The following ELFN2 variants were observed in gnomAD, a reference collection of about 807,000 sequenced individuals.
ELFN2 encodes protein phosphatase 1 regulatory subunit 29.
A neutral mutation model predicts 45.5 loss-of-function variants in ELFN2; 17 were observed. That is an observed-to-expected ratio of 0.37 (90% confidence interval 0.26 to 0.56). The LOEUF (loss-of-function observed/expected upper bound fraction) is 0.56. ELFN2 is among the 20% of genes least tolerant of loss of function. ELFN2 has a pLI of 0.77. For missense variants in ELFN2, 922 were observed against 1,183.2 expected, an observed-to-expected ratio of 0.78 and a Z score of 3.24; for synonymous variants, 550 against 551.5, an observed-to-expected ratio of 1.00 and a Z score of 0.04.
At chr22:37,399,541 C>T (rs927633890) in intron 2 of ELFN2, among the ~76,000 whole-genome samples, 3 of 140,750 alleles carry the variant, frequency 2.1e-5, no homozygotes, top group Non-Finnish European at 4.7e-5. Context: ...CCACCTCCAC[C>T]GACCACGGGG....
In ELFN2 at chr22:37,373,806, C is replaced by G. The variant is rs1342307312; in HGVS notation, c.1729G>C (p.Glu577Gln). The G allele has an allele frequency of 1.9e-6, 3 of 1,611,964 alleles. No individual in the cohort carries two copies. The highest frequency in any genetic ancestry group is 2.2e-5 in the East Asian group (1 of 44,868). Reference sequence around the variant, plus strand: ...GCAGCTGCAGGGAGGGACTGGCACTCGAAGGCCAGCTCGGGGTCCCCACTG... The same window carrying G: ...GCAGCTGCAGGGAGGGACTGGCACTGGAAGGCCAGCTCGGGGTCCCCACTG... ...SSSGDPELAFECQSLPAAAAA... is the reference protein window; with the variant it reads ...SSSGDPELAFQCQSLPAAAAA... The change falls in exon 3 of 3, where the codon GAG (glutamate) becomes CAG (glutamine). Residue 577 changes from glutamate (E) to glutamine (Q), a missense_variant. Transcript: ENST00000402918.
chr22:37,400,557 G>A (rs575404520), intron 2 of ELFN2, among the ~76,000 whole-genome samples: 4 of 152,320 alleles, frequency 2.6e-5, no homozygotes, highest in South Asian at 2.1e-4. Flanking sequence ...TCACCCATTA[G>A]ACAGATGGGA....
At chr22:37,425,103 C>A (rs994587673) in intron 1 of ELFN2, among the ~76,000 whole-genome samples, 1 of 152,210 alleles carries the variant, frequency 6.6e-6, no homozygotes, top group Non-Finnish European at 1.5e-5. Flanking sequence ...AATGGCCTCA[C>A]GCTCCCTGGC....
In ELFN2 at chr22:37,373,184, ACCT is replaced by A. The variant is rs1931428883; in HGVS notation, c.2348_2350del (p.Glu783del). On this transcript the variant is annotated inframe_deletion, in exon 3 of 3. Transcript: ENST00000402918. ...CAGGGCGTGACCGGCGGCCATGTAC[ACCT>A]CCTCCCGGTGGTGCTTCTTGTAGGG... is the stretch of plus-strand genomic sequence containing the variant. 3 of 1,612,076 alleles carry A rather than the reference ACCT, an allele frequency of 1.9e-6. No homozygotes were observed. The East Asian group carries it at 6.7e-5, about 36-fold the overall frequency.
chr22:37,341,244 G>A (rs1930552797), intron 2 of ELFN2, among the ~76,000 whole-genome samples: 1 of 152,160 alleles, frequency 6.6e-6, no homozygotes, highest in African/African-American at 2.4e-5. Flanking sequence ...CGCATGGCAG[G>A]GGCGTAGGGC....
chr22:37,378,823 C>T lies in ELFN2; in HGVS notation c.-462-2827G>A, dbSNP rs559843925. Among the ~76,000 whole-genome samples the T allele has an allele frequency of 5.0e-3, 764 of 152,382 alleles. 2 individuals are homozygous for T. The highest frequency in any genetic ancestry group is 8.4e-3 in the Non-Finnish European group (570 of 68,036). On this transcript the variant is annotated intron_variant, in intron 2 of 2. Coordinates refer to ENST00000402918, the MANE Select transcript of ELFN2 (RefSeq NM_052906.5). ...CGCGGCCAGGGAGGGAACAGAGAGG[C>T]CAAGGCAGAGAAGGCGCTGACAGCA...
chr22:37,393,383 G>T (rs1423625828), intron 2 of ELFN2, among the ~76,000 whole-genome samples: 1 of 152,236 alleles, frequency 6.6e-6, no homozygotes, highest in African/African-American at 2.4e-5. Context: ...GTGGGCCTCA[G>T]GTCCTGGCAC....
chr22:37,406,039 G>A (rs1404664106), intron 2 of ELFN2, among the ~76,000 whole-genome samples: 3 of 152,168 alleles, frequency 2.0e-5, no homozygotes, highest in Non-Finnish European at 4.4e-5. Context: ...CTACTCTGGA[G>A]GCTGAGATGG....
intron 1 of ELFN2, among the ~76,000 whole-genome samples, chr22:37,345,847 T>C (rs1415288455): frequency 2.0e-5 from 3 of 152,190 alleles, no homozygotes; most frequent in African/African-American, 7.2e-5. Context: ...CACCCGGCCA[T>C]GGCCTCCTTG....
chr22:37,423,875 A>G (rs1025111471), intron 1 of ELFN2, among the ~76,000 whole-genome samples: 3 of 152,028 alleles, frequency 2.0e-5, no homozygotes, highest in African/African-American at 4.8e-5. Flanking sequence ...ACCCCCAGAC[A>G]CCATCTCCAG....
chr22:37,343,180 A>C (rs752551163), intron 1 of ELFN2, among the ~76,000 whole-genome samples: 1 of 152,132 alleles, frequency 6.6e-6, no homozygotes, highest in Non-Finnish European at 1.5e-5. Context: ...CAGAAACTCA[A>C]CTGCAGGCTC....
At chr22:37,379,987 T>G (rs1448857573) in intron 2 of ELFN2, among the ~76,000 whole-genome samples, 1 of 152,152 alleles carries the variant, frequency 6.6e-6, no homozygotes, top group African/African-American at 2.4e-5. Context: ...CAGCCGCTGT[T>G]GTTAATGGGG....
At chr22:37,410,080 C>G (rs1348753894) in intron 2 of ELFN2, among the ~76,000 whole-genome samples, 1 of 152,196 alleles carries the variant, frequency 6.6e-6, no homozygotes, top group Non-Finnish European at 1.5e-5. Context: ...AGGGCACACA[C>G]ATACACACAC....
intron 2 of ELFN2, among the ~76,000 whole-genome samples, chr22:37,406,180 A>G (rs947836890): frequency 6.6e-6 from 1 of 152,154 alleles, no homozygotes; most frequent in Non-Finnish European, 1.5e-5. Flanking sequence ...AATAAAAAAC[A>G]AGGGTCCCCT....
rs994529397 is a variant in ELFN2 at position 37,373,031 on chromosome 22, C to CA, written c.*40dup. Reference sequence around the variant, plus strand: ...CTGGACCCTTCCCCCAAAAGGCCCCCAGCCCTCTGGCTCCGACCTCACCAG... The same window carrying CA: ...CTGGACCCTTCCCCCAAAAGGCCCCCAAGCCCTCTGGCTCCGACCTCACCAG... On this transcript the variant is annotated 3_prime_UTR_variant, in exon 3 of 3. Transcript: ENST00000402918. 1 of 1,542,846 alleles carries CA rather than the reference C, an allele frequency of 6.5e-7. No individual in the cohort carries two copies. Among genetic ancestry groups the CA allele is most frequent in the Admixed American group, 1.9e-5 (1 of 53,588 alleles).
At position 37,368,242 on chromosome 22, in the gene ELFN2, G is replaced by A. The variant is rs1439925131; in HGVS notation, c.*4830C>T. 1 of 152,244 alleles carries A rather than the reference G, an allele frequency of 6.6e-6. No homozygotes were observed. The highest frequency in any genetic ancestry group is 2.4e-5 in the African/African-American group (1 of 41,430). The allele number at this position is 152,244 out of a possible 1,614,324, so 9.4% of individuals were successfully genotyped here. On this transcript the variant is annotated 3_prime_UTR_variant, in exon 3 of 3. Transcript: ENST00000402918. ...CCCAGCTCTGCAGGACCCAAACCAG[G>A]TGCCCAACCACAGCCAACTTGGGGA...
chr22:37,388,400 T>C (rs1932008769), intron 2 of ELFN2, among the ~76,000 whole-genome samples: 1 of 152,140 alleles, frequency 6.6e-6, no homozygotes, highest in African/African-American at 2.4e-5. Flanking sequence ...CGAGGAAGGG[T>C]CCTGCTTCTC....
chr22:37,383,444 C>T (rs753278823), intron 2 of ELFN2, among the ~76,000 whole-genome samples: 34 of 152,210 alleles, frequency 2.2e-4, no homozygotes, highest in Non-Finnish European at 4.1e-4. Flanking sequence ...TCTTGTTAGT[C>T]TCAGCCCTGC....
intron 1 of ELFN2, among the ~76,000 whole-genome samples, chr22:37,355,780 G>A (rs1049983268): frequency 6.6e-6 from 1 of 152,190 alleles, no homozygotes; most frequent in Non-Finnish European, 1.5e-5. Flanking sequence ...GGTTGCCTTT[G>A]TGCTCCGCAG....
Sources: gnomAD v4.1 joint callset for allele counts (sites outside exome capture counted in the v4.1 genomes callset) on GRCh38, gnomAD v4.1.1 for gene constraint, MANE v1.5 for transcripts, NCBI Gene and HGNC (gene_info 2026-07-23, HGNC 2026-07-21) for gene names.